Variants in LINGO2 observed in about 807,000 individuals in gnomAD.
LINGO2 encodes leucine rich repeat and Ig domain containing 2.
LINGO2 carries 14 observed loss-of-function variants against 30.6 expected under a neutral mutation model. The ratio of observed to expected loss-of-function variants is 0.46; its 90% CI spans 0.30 to 0.72. The LOEUF is 0.72. LINGO2 is among the 30% of genes least tolerant of loss of function. The pLI is 0.07. For missense variants in LINGO2, 729 were observed against 751.7 expected (o/e 0.97, Z 0.35); for synonymous variants, 317 against 288.5 (o/e 1.10, Z -1.00).
the LINGO2 span, among the ~76,000 whole-genome samples, chr9:29,207,337 T>A: frequency 1.3e-5 from 2 of 151,972 alleles, no homozygotes; most frequent in Non-Finnish European, 2.9e-5. Flanking sequence ...AGCAATACAG[T>A]TTTTATGCTA....
chr9:29,039,734 C>G, the LINGO2 span, among the ~76,000 whole-genome samples: 1 of 152,138 alleles, frequency 6.6e-6, no homozygotes. Context: ...GCCTGGTTTT[C>G]TAAGCATGCC....
chr9:28,771,009 G>A, the LINGO2 span, among the ~76,000 whole-genome samples: 5 of 152,188 alleles, frequency 3.3e-5, no homozygotes, highest in African/African-American at 1.2e-4. Flanking sequence ...CATTAGCCAA[G>A]TGCTCAAGGC....
the LINGO2 span, among the ~76,000 whole-genome samples, chr9:28,903,413 A>G: frequency 1.1e-4 from 17 of 152,342 alleles, no homozygotes; most frequent in South Asian, 1.7e-3. Flanking sequence ...AGCCCAGGAC[A>G]TAACAGCTTC....
intron 4 of LINGO2, among the ~76,000 whole-genome samples, chr9:28,231,906 A>T (rs962525741): frequency 3.3e-5 from 5 of 152,078 alleles, no homozygotes; most frequent in African/African-American, 1.2e-4. Flanking sequence ...TTATATATAT[A>T]TATTTTTTCT....
At chr9:29,159,631 C>T in the LINGO2 span, among the ~76,000 whole-genome samples, 1 of 152,088 alleles carries the variant, frequency 6.6e-6, no homozygotes, top group East Asian at 1.9e-4. Flanking sequence ...CTGAGGCAGG[C>T]AGATCACCTG....
chr9:28,058,772 CATA>C (rs1276069174), intron 4 of LINGO2, among the ~76,000 whole-genome samples: 3 of 152,100 alleles, frequency 2.0e-5, no homozygotes, highest in African/African-American at 7.2e-5. Flanking sequence ...TAAGTCCACT[CATA>C]ATAAGTTAGC....
At chr9:28,560,177 T>C (rs1362159728) in intron 1 of LINGO2, among the ~76,000 whole-genome samples, 2 of 152,144 alleles carry the variant, frequency 1.3e-5, no homozygotes, top group African/African-American at 2.4e-5. Flanking sequence ...GGATTAATAG[T>C]ATGTATCTGT....
chr9:28,384,034 A>G (rs1019372963), intron 2 of LINGO2, among the ~76,000 whole-genome samples: 2 of 152,060 alleles, frequency 1.3e-5, no homozygotes, highest in African/African-American at 4.8e-5. Flanking sequence ...AAAATAAAAC[A>G]TTACACAATA....
At chr9:28,749,084 C>T in the LINGO2 span, among the ~76,000 whole-genome samples, 43 of 152,092 alleles carry the variant, frequency 2.8e-4, 1 homozygote, top group South Asian at 8.7e-3. Context: ...TCATACCTAA[C>T]TTTCAAAGCC....
intron 4 of LINGO2, among the ~76,000 whole-genome samples, chr9:28,174,414 T>C (rs1828685903): frequency 6.6e-6 from 1 of 152,120 alleles, no homozygotes; most frequent in Non-Finnish European, 1.5e-5. Flanking sequence ...TCTTCTTTCC[T>C]CCTCTCTCTT....
At chr9:28,028,400 G>A (rs1823489987) in intron 4 of LINGO2, among the ~76,000 whole-genome samples, 1 of 152,120 alleles carries the variant, frequency 6.6e-6, no homozygotes, top group East Asian at 1.9e-4. Flanking sequence ...TGAGCTGGTA[G>A]GATATTACGG....
chr9:28,274,787 C>G (rs1823058843), intron 4 of LINGO2, among the ~76,000 whole-genome samples: 1 of 152,174 alleles, frequency 6.6e-6, no homozygotes, highest in Non-Finnish European at 1.5e-5. Flanking sequence ...CAACCAACTT[C>G]AGGAACAAGA....
chr9:29,158,209 T>C, the LINGO2 span, among the ~76,000 whole-genome samples: 4 of 143,014 alleles, frequency 2.8e-5, no homozygotes, highest in Non-Finnish European at 6.1e-5. Flanking sequence ...AAAAAACAAA[T>C]GGAGGGAATG....
chr9:28,170,231 G>A, intron 4 of LINGO2, among the ~76,000 whole-genome samples: 1 of 152,156 alleles, frequency 6.6e-6, no homozygotes. Context: ...TTGGTTGGAT[G>A]AATACAATGA....
At chr9:28,392,551 T>G (rs1821881471) in intron 2 of LINGO2, among the ~76,000 whole-genome samples, 1 of 152,158 alleles carries the variant, frequency 6.6e-6, no homozygotes, top group East Asian at 1.9e-4. Flanking sequence ...GCACGGACCT[T>G]CCATGCTCTC....
At chr9:28,256,352 T>C (rs148680178) in intron 4 of LINGO2, among the ~76,000 whole-genome samples, 3 of 151,936 alleles carry the variant, frequency 2.0e-5, no homozygotes, top group African/African-American at 7.2e-5. Flanking sequence ...CTGCCAACTA[T>C]TGATTAATTC....
chr9:29,049,847 A>AAGT, the LINGO2 span, among the ~76,000 whole-genome samples: 5 of 152,164 alleles, frequency 3.3e-5, no homozygotes, highest in Admixed American at 1.3e-4. Context: ...ATGAGTACAA[A>AAGT]AAACATAGAA....
the LINGO2 span, among the ~76,000 whole-genome samples, chr9:28,686,580 A>T: frequency 6.6e-6 from 1 of 152,056 alleles, no homozygotes; most frequent in Non-Finnish European, 1.5e-5. Context: ...AGATATATAA[A>T]TGGCAAGCAG....
the LINGO2 span, among the ~76,000 whole-genome samples, chr9:28,710,797 A>G: frequency 6.6e-6 from 1 of 152,122 alleles, no homozygotes; most frequent in African/African-American, 2.4e-5. Flanking sequence ...TGCTTCCCCC[A>G]TTAGATTTAA....
Sources: allele counts gnomAD v4.1 joint callset (sites outside exome capture counted in the v4.1 genomes callset), GRCh38; gene constraint gnomAD v4.1.1; transcripts MANE v1.5; gene names NCBI Gene and HGNC (gene_info 2026-07-23, HGNC 2026-07-21).